Variants in SLC22A23 observed in about 807,000 individuals in gnomAD.
SLC22A23 encodes solute carrier family 22 member 23.
A neutral mutation model predicts 61.0 loss-of-function variants in SLC22A23; 26 were observed. The ratio of observed to expected loss-of-function variants is 0.43; its 90% CI spans 0.31 to 0.59. SLC22A23 has a LOEUF of 0.59. SLC22A23 is among the 20% of genes least tolerant of loss of function. SLC22A23 has a pLI of 0.11. For missense variants in SLC22A23, 796 were observed against 934.7 expected (o/e 0.85, Z 1.94); for synonymous variants, 430 against 413.9 (o/e 1.04, Z -0.47).
At position 3,427,598 on chromosome 6, in the gene SLC22A23, G is replaced by A. The variant is rs1420163874; in HGVS notation, c.655-11743C>T. ...TACCCGGGGCTCTACCGTGCTTTCA[G>A]GTCCTCCCACCACCTCTCAGGATGC... On this transcript the variant is annotated intron_variant, in intron 1 of 9. Transcript: ENST00000406686. This position sits in a 1 kb window ranked among gnomAD's most constrained non-coding sequence, Gnocchi z 4.3. Among the ~76,000 whole-genome samples, 1 of 152,082 alleles carries A rather than the reference G, an allele frequency of 6.6e-6. No individual in the cohort carries two copies. Among genetic ancestry groups the A allele is most frequent in the African/African-American group, 2.4e-5 (1 of 41,416 alleles).
chr6:3,320,525 T>C (rs1417315503), intron 4 of SLC22A23, among the ~76,000 whole-genome samples: 1 of 152,180 alleles, frequency 6.6e-6, no homozygotes, highest in Admixed American at 6.5e-5. Context: ...TACTTGCTCA[T>C]TAAAGGAAAG....
intron 3 of SLC22A23, among the ~76,000 whole-genome samples, chr6:3,397,349 G>A (rs757119993): frequency 2.0e-5 from 3 of 152,192 alleles, no homozygotes; most frequent in Admixed American, 6.5e-5. Flanking sequence ...TGACAATTCC[G>A]TGTCACCTAT....
chr6:3,410,393 A>ATG lies in SLC22A23; in HGVS notation c.759-52_759-51insCA. Reference sequence around the variant, plus strand: ...GGAATCATTGTGAAACAAGACAATGACGCTAGATGCTGAAACCCGGTGTCC... The same window carrying ATG: ...GGAATCATTGTGAAACAAGACAATGATGCGCTAGATGCTGAAACCCGGTGTCC... On this transcript the variant is annotated intron_variant, in intron 2 of 9. Coordinates refer to ENST00000406686, the MANE Select transcript of SLC22A23 (RefSeq NM_015482.2). This position sits in a 1 kb window ranked among gnomAD's most constrained non-coding sequence, Gnocchi z 5.0. 6.6e-7 allele frequency: 1 copy of ATG among 1,516,796 alleles called. No homozygotes were observed. The allele number at this position is 1,516,796 out of a possible 1,614,324, so 94.0% of individuals were successfully genotyped here. A position where few individuals can be genotyped will look rare whatever the true frequency, so the allele number is the denominator to read the frequency against.
intron 3 of SLC22A23, among the ~76,000 whole-genome samples, chr6:3,355,185 TAA>T (rs1201003822): frequency 1.5e-5 from 2 of 136,244 alleles, no homozygotes; most frequent in Admixed American, 7.3e-5. Context: ...CCTCCCCAGC[TAA>T]AAAAAAAAAA....
At chr6:3,423,108 C>T (rs1471205202) in intron 1 of SLC22A23, among the ~76,000 whole-genome samples, 2 of 152,008 alleles carry the variant, frequency 1.3e-5, no homozygotes, top group African/African-American at 2.4e-5. Flanking sequence ...GCAGCCTTCC[C>T]GGTGGGAGAG....
intron 3 of SLC22A23, among the ~76,000 whole-genome samples, chr6:3,404,445 T>C (rs1021884277): frequency 3.3e-5 from 5 of 152,344 alleles, no homozygotes; most frequent in Admixed American, 6.5e-5. Context: ...TTTGCATTTT[T>C]TCCAGAGAAA....
chr6:3,438,948 A>C (rs1771402843), intron 1 of SLC22A23, among the ~76,000 whole-genome samples: 1 of 152,238 alleles, frequency 6.6e-6, no homozygotes, highest in African/African-American at 2.4e-5. Flanking sequence ...CTGTGGGTTA[A>C]AGAGCAGAGG....
intron 7 of SLC22A23, 126 bp from the exon 8 acceptor site, chr6:3,285,237 C>A (rs1370113942): frequency 4.5e-6 from 6 of 1,326,808 alleles, no homozygotes; most frequent in Non-Finnish European, 6.3e-6. Flanking sequence ...AGCAAACTCC[C>A]TTCCGTGTCT....
Position 3,387,899 on chromosome 6 carries a change from G to A in SLC22A23, c.913+22289C>T, listed in dbSNP as rs1213366421. ...CAGCGAGGATGTCCTGGCAGCCCAC[G>A]ACAGTCTGTGCCACGGCATCTCCTT... On this transcript the variant is annotated intron_variant, in intron 3 of 9. Transcript: ENST00000406686. The surrounding 1 kb of genome is among the most constrained non-coding windows in gnomAD (Gnocchi z 5.0). Among the ~76,000 whole-genome samples the A allele has an allele frequency of 6.6e-6, 1 of 152,176 alleles. No homozygotes were observed. Among genetic ancestry groups the A allele is most frequent in the Non-Finnish European group, 1.5e-5 (1 of 68,042 alleles).
intron 7 of SLC22A23, among the ~76,000 whole-genome samples, chr6:3,285,792 C>G (rs1462819992): frequency 2.0e-5 from 3 of 152,234 alleles, no homozygotes; most frequent in Admixed American, 6.5e-5. Flanking sequence ...GGCTGCACGA[C>G]AAGGCCGCTC....
chr6:3,366,332 CAA>C (rs11387672), intron 3 of SLC22A23, among the ~76,000 whole-genome samples: 12 of 74,164 alleles, frequency 1.6e-4, no homozygotes, highest in African/African-American at 6.3e-4. Context: ...GACTCTGTCT[CAA>C]AAAAAAAAAA....
intron 3 of SLC22A23, among the ~76,000 whole-genome samples, chr6:3,357,423 T>C (rs1765183443): frequency 1.3e-5 from 2 of 152,228 alleles, no homozygotes; most frequent in Non-Finnish European, 1.5e-5. Context: ...GGACTGCAAA[T>C]ACAAAGTAGG....
At chr6:3,375,183 A>G (rs1766482031) in intron 3 of SLC22A23, among the ~76,000 whole-genome samples, 1 of 152,208 alleles carries the variant, frequency 6.6e-6, no homozygotes, top group Non-Finnish European at 1.5e-5. Context: ...AAATCAGCAG[A>G]AAAAAATGAC....
At position 3,328,896 on chromosome 6, in the gene SLC22A23, C is replaced by CT. The variant is rs1319910843; in HGVS notation, c.914-4895_914-4894insA. Among the ~76,000 whole-genome samples the CT allele has an allele frequency of 6.6e-6, 1 of 150,462 alleles. No homozygotes were observed. Among genetic ancestry groups the CT allele is most frequent in the African/African-American group, 2.5e-5 (1 of 40,048 alleles). On this transcript the variant is annotated intron_variant, in intron 3 of 9. Transcript: ENST00000406686. This position sits in a 1 kb window ranked among gnomAD's most constrained non-coding sequence, Gnocchi z 5.0. ...GAAGCCCATCTCCGAAGCTGCACCC[C>CT]CTCCCTCCCCTTCTTACTCCCCACT...
intron 1 of SLC22A23, among the ~76,000 whole-genome samples, chr6:3,431,865 CT>C (rs1474040817): frequency 6.6e-6 from 1 of 152,198 alleles, no homozygotes; most frequent in Non-Finnish European, 1.5e-5. Flanking sequence ...AGCTTCCATA[CT>C]TCTGTTTTAG....
In SLC22A23 at chr6:3,410,698, C is replaced by A. The variant is rs1348733903; in HGVS notation, c.759-356G>T. On this transcript the variant is annotated intron_variant, in intron 2 of 9. Transcript: ENST00000406686. The surrounding 1 kb of genome is among the most constrained non-coding windows in gnomAD (Gnocchi z 5.0). Reference sequence around the variant, plus strand: ...CTCCAAACAGGAACCTTGATACACCCAGCATAAAAAGTCTTGAGAAATCGT... The same window carrying A: ...CTCCAAACAGGAACCTTGATACACCAAGCATAAAAAGTCTTGAGAAATCGT... Among the ~76,000 whole-genome samples the A allele has an allele frequency of 6.6e-6, 1 of 152,156 alleles. No individual in the cohort carries two copies. Among genetic ancestry groups the A allele is most frequent in the Non-Finnish European group, 1.5e-5 (1 of 68,026 alleles).
chr6:3,417,688 G>T (rs1009983278), intron 1 of SLC22A23, among the ~76,000 whole-genome samples: 2 of 152,194 alleles, frequency 1.3e-5, no homozygotes, highest in African/African-American at 2.4e-5. Context: ...CCTGCCCTGC[G>T]ACTCTGAGAA....
intron 9 of SLC22A23, 109 bp from the exon 10 acceptor site, chr6:3,273,521 G>A (rs1758624671): frequency 8.1e-7 from 1 of 1,227,558 alleles, no homozygotes; most frequent in Non-Finnish European, 1.2e-6. Context: ...CTGCTGCCCT[G>A]GGCACTGCCC....
At position 3,376,556 on chromosome 6, in the gene SLC22A23, A is replaced by G. The variant is rs559913393; in HGVS notation, c.913+33632T>C. 8.5e-5 allele frequency among the ~76,000 whole-genome samples: 13 copies of G among 152,124 alleles called. 1 individual carries two copies. The South Asian group carries it at 1.7e-3, about 19-fold the overall frequency. On this transcript the variant is annotated intron_variant, in intron 3 of 9. Coordinates refer to ENST00000406686, the MANE Select transcript of SLC22A23 (RefSeq NM_015482.2). Reference sequence around the variant, plus strand: ...CTTCCTTCCATAGGGAGACTTTCCTATCTTTCAAAGTTCATGCCGTTCTTT... The same window carrying G: ...CTTCCTTCCATAGGGAGACTTTCCTGTCTTTCAAAGTTCATGCCGTTCTTT...
Sources: allele counts gnomAD v4.1 joint callset (sites outside exome capture counted in the v4.1 genomes callset), GRCh38; gene constraint gnomAD v4.1.1; non-coding constraint Gnocchi (gnomAD v3.1); transcripts MANE v1.5; gene names NCBI Gene and HGNC (gene_info 2026-07-23, HGNC 2026-07-21).